FER1L6: variants seen among roughly 807,000 people sequenced by gnomAD.
FER1L6 encodes fer-1 like family member 6, also known as fer-1-like protein 6.
Under a neutral mutation model 219.2 loss-of-function variants are expected in FER1L6, and 177 were observed. That is an observed-to-expected ratio of 0.81 (90% confidence interval 0.71 to 0.91). FER1L6 has a LOEUF of 0.91. Among genes scored for constraint, FER1L6 ranks in the 40% least tolerant of loss-of-function variants. FER1L6 has a pLI of 0.00. For synonymous variants in FER1L6, 768 were observed against 824.3 expected (o/e 0.93, Z 1.17); for missense variants, 2,153 against 2,259.9 (o/e 0.95, Z 0.96).
intron 29 of FER1L6, among the ~76,000 whole-genome samples, chr8:124,069,803 C>G (rs1243280297): frequency 6.6e-6 from 1 of 152,182 alleles, no homozygotes; most frequent in Non-Finnish European, 1.5e-5. Context: ...CTCAAGGTAA[C>G]AGGAGATTTA....
chr8:124,040,011 C>T lies in FER1L6; in HGVS notation c.2589+5C>T, dbSNP rs1209905810. 2.5e-6 allele frequency: 4 copies of T among 1,613,982 alleles called. No homozygotes were observed. The highest frequency in any genetic ancestry group is 3.4e-6 in the Non-Finnish European group (4 of 1,179,946). On this transcript the variant is annotated splice_donor_5th_base_variant and intron_variant, in intron 20 of 40. Transcript: ENST00000522917. ...TCTCACTGCCAGACAACAAAGGTAA[C>T]CAGGGTAACCAAGACAGCCTGCTTC...
intron 34 of FER1L6, 41 bp downstream of exon 34, chr8:124,091,624 T>C: frequency 6.3e-7 from 1 of 1,590,906 alleles, no homozygotes; most frequent in Non-Finnish European, 8.6e-7. Flanking sequence ...TGCTCTTCTT[T>C]TGAAAATCCT....
At chr8:123,908,191 T>A (rs192229436) in intron 1 of FER1L6, among the ~76,000 whole-genome samples, 1 of 152,192 alleles carries the variant, frequency 6.6e-6, no homozygotes, top group Non-Finnish European at 1.5e-5. Context: ...TAACAATAGG[T>A]TATCTTGGGC....
At chr8:123,980,047 T>C (rs527692838) in intron 10 of FER1L6, among the ~76,000 whole-genome samples, 3 of 152,340 alleles carry the variant, frequency 2.0e-5, no homozygotes, top group African/African-American at 7.2e-5. Context: ...TACTTTTTCT[T>C]GCAACACAAA....
chr8:123,985,884 G>T (rs771293164), intron 11 of FER1L6, 184 bp from the exon 12 acceptor site: 15 of 562,668 alleles, frequency 2.7e-5, no homozygotes, highest in Non-Finnish European at 4.7e-5. Flanking sequence ...ACTAAATTTG[G>T]ATCTGCAGTT....
intron 18 of FER1L6, among the ~76,000 whole-genome samples, chr8:124,032,041 C>T (rs75195876): frequency 0.015 from 2,251 of 152,302 alleles, 61 homozygotes; most frequent in African/African-American, 0.05. Context: ...CTGAGTCTTT[C>T]GTTTTAACCA....
intron 26 of FER1L6, 39 bp from the exon 27 acceptor site, chr8:124,066,389 G>A: frequency 6.3e-7 from 1 of 1,599,224 alleles, no homozygotes; most frequent in East Asian, 2.2e-5. Context: ...GCAGCCAAAT[G>A]AGGTTGAACT....
At chr8:123,855,642 G>C (rs1816619667) in intron 1 of FER1L6, among the ~76,000 whole-genome samples, 1 of 151,530 alleles carries the variant, frequency 6.6e-6, no homozygotes, top group South Asian at 2.1e-4. Flanking sequence ...AGTGGAGCAA[G>C]AGAACGGATG....
At chr8:124,046,050 C>T (rs1819717396) in intron 21 of FER1L6, 149 bp downstream of exon 21, 1 of 832,852 alleles carries the variant, frequency 1.2e-6, no homozygotes, top group Non-Finnish European at 1.8e-6. Flanking sequence ...CCTCTGAAAA[C>T]AGTTCACAGA....
chr8:123,904,956 G>A (rs1812924848), intron 1 of FER1L6, among the ~76,000 whole-genome samples: 1 of 152,176 alleles, frequency 6.6e-6, no homozygotes, highest in Non-Finnish European at 1.5e-5. Flanking sequence ...ATGGAAATTG[G>A]CAAATGCTAC....
chr8:124,031,678 G>C (rs1244192725), intron 18 of FER1L6, among the ~76,000 whole-genome samples: 2 of 152,156 alleles, frequency 1.3e-5, no homozygotes, highest in Non-Finnish European at 2.9e-5. Flanking sequence ...AGTTTCTATG[G>C]CTAACCTGGG....
Position 124,069,525 on chromosome 8 carries a change from C to A in FER1L6, c.3834+50C>A, listed in dbSNP as rs758571513. ...GCCATGGATGGGGAGGGATGCTCAG[C>A]AATGAGGTTCTGTCAGTGCTTTGGT... On this transcript the variant is annotated intron_variant, in intron 29 of 40. Transcript: ENST00000522917. The A allele has an allele frequency of 5.8e-5, 79 of 1,353,578 alleles. 1 individual carries two copies. In the South Asian group the frequency reaches 9.7e-4, roughly 17 times the overall value. 83.8% of individuals were successfully genotyped at this position (1,353,578 alleles called of 1,614,324 possible). A position where few individuals can be genotyped will look rare whatever the true frequency, so the allele number is the denominator to read the frequency against.
At chr8:123,921,515 C>A (rs1052468953) in intron 1 of FER1L6, among the ~76,000 whole-genome samples, 1 of 151,522 alleles carries the variant, frequency 6.6e-6, no homozygotes, top group East Asian at 1.9e-4. Context: ...CAGGTGTCCA[C>A]CACCATGCCA....
intron 1 of FER1L6, among the ~76,000 whole-genome samples, chr8:123,945,981 T>G (rs1296472710): frequency 6.6e-6 from 1 of 152,152 alleles, no homozygotes; most frequent in Admixed American, 6.6e-5. Context: ...GAAGTAAAAC[T>G]CTGTTGGGAA....
At chr8:124,021,715 T>C (rs1818460193) in intron 17 of FER1L6, 46 bp downstream of exon 17, 1 of 1,608,202 alleles carries the variant, frequency 6.2e-7, no homozygotes, top group East Asian at 2.2e-5. Flanking sequence ...TTAGATGGAA[T>C]GTCTTCCAGG....
intron 39 of FER1L6, among the ~76,000 whole-genome samples, chr8:124,114,895 GTATATATATATATATATATATATATA>G (rs71289637): frequency 1.1e-5 from 1 of 90,050 alleles, no homozygotes; most frequent in Non-Finnish European, 2.3e-5. Context: ...GTGTGTGTGC[GTATATATATATATATATATATATATA>G]TATATATATA....
chr8:123,950,065 G>T (rs1814687920), intron 1 of FER1L6, among the ~76,000 whole-genome samples: 1 of 152,122 alleles, frequency 6.6e-6, no homozygotes, highest in Non-Finnish European at 1.5e-5. Flanking sequence ...TAATTAGCCT[G>T]GATATTAAGA....
At chr8:124,102,372 A>G (rs1822582705) in intron 38 of FER1L6, among the ~76,000 whole-genome samples, 11 of 152,192 alleles carry the variant, frequency 7.2e-5, no homozygotes, top group Admixed American at 7.2e-4. Flanking sequence ...ATTAAGTGAA[A>G]AGAGAAAAAT....
chr8:124,084,462 A>G (rs568975106), intron 33 of FER1L6, among the ~76,000 whole-genome samples: 1 of 152,134 alleles, frequency 6.6e-6, no homozygotes, highest in African/African-American at 2.4e-5. Flanking sequence ...AGGGTTTCTT[A>G]AATTATGAAG....
Sources: allele counts gnomAD v4.1 joint callset (sites outside exome capture counted in the v4.1 genomes callset), GRCh38; gene constraint gnomAD v4.1.1; transcripts MANE v1.5; gene names NCBI Gene and HGNC (gene_info 2026-07-23, HGNC 2026-07-21).